KLHL14: variants seen among roughly 807,000 people sequenced by gnomAD.
The protein encoded by KLHL14 is kelch-like protein 14.
A neutral mutation model predicts 64.3 loss-of-function variants in KLHL14; 22 were observed. The observed-to-expected ratio is 0.34, with a 90% CI of 0.24 to 0.49. The LOEUF is 0.49. Among genes scored for constraint, KLHL14 ranks in the 20% least tolerant of loss-of-function variants. The probability of loss-of-function intolerance (pLI) is 0.99; values close to 1 mark genes in which losing one functional copy is unlikely to be tolerated. For synonymous variants in KLHL14, 322 were observed against 333.4 expected, an observed-to-expected ratio of 0.97 and a Z score of 0.37; for missense variants, 661 against 789.0, an observed-to-expected ratio of 0.84 and a Z score of 1.94.
rs2049815348 is a variant in KLHL14 at position 32,677,175 on chromosome 18, T to C, written c.1744A>G (p.Met582Val). 1 of 1,611,236 alleles carries C rather than the reference T, an allele frequency of 6.2e-7. No individual in the cohort carries two copies. Among genetic ancestry groups the C allele is most frequent in the African/African-American group, 1.3e-5 (1 of 74,894 alleles). The change falls in exon 8 of 9, where the codon ATG (methionine) becomes GTG (valine). Residue 582 changes from methionine (M) to valine (V), a missense_variant and splice_region_variant. This residue lies in a region of KLHL14 where 330 missense variants were observed against 450.0 expected (regional missense o/e 0.73). Transcript: ENST00000359358. ...ATGCAGTAAATGTGGACACATACCA[T>C]ACTCCAGCTGTAGCCTCCCACAAGG... The part of the protein sequence containing the change: ...IYLVGGYSWS[M>V]GAYKSSTICY...
At chr18:32,712,798 A>G (rs12969651) in intron 3 of KLHL14, among the ~76,000 whole-genome samples, 47,183 of 152,028 alleles carry the variant, frequency 0.31, 7,843 homozygotes, top group African/African-American at 0.42. Context: ...ATGTTGTTAA[A>G]TTAACCTTCA....
At chr18:32,689,881 A>G (rs2049898540) in intron 4 of KLHL14, among the ~76,000 whole-genome samples, 1 of 152,226 alleles carries the variant, frequency 6.6e-6, no homozygotes, top group African/African-American at 2.4e-5. Context: ...GTGCCTTTGA[A>G]GAAGGAGGCA....
At chr18:32,772,315 T>C in intron 1 of KLHL14, 1 of 293,620 alleles carries the variant, frequency 3.4e-6, no homozygotes, top group Non-Finnish European at 7.4e-6. Flanking sequence ...TCGCGCTCCC[T>C]CCGCCGGCAG....
chr18:32,694,069 G>A (rs2049925507), intron 4 of KLHL14, among the ~76,000 whole-genome samples: 1 of 152,190 alleles, frequency 6.6e-6, no homozygotes, highest in African/African-American at 2.4e-5. Flanking sequence ...AAGTCAGGGA[G>A]ATTCACAGTG....
chr18:32,702,028 A>C (rs961010245), intron 3 of KLHL14, among the ~76,000 whole-genome samples: 2 of 152,196 alleles, frequency 1.3e-5, no homozygotes, highest in African/African-American at 4.8e-5. Context: ...TTTGTGCTAC[A>C]GGTGTAGCAT....
intron 2 of KLHL14, among the ~76,000 whole-genome samples, chr18:32,748,741 C>T (rs993152670): frequency 1.3e-5 from 2 of 151,904 alleles, no homozygotes; most frequent in African/African-American, 2.4e-5. Context: ...CCCCCGACCT[C>T]GGTCTCCCAA....
chr18:32,755,493 C>T (rs2050277124), intron 2 of KLHL14, among the ~76,000 whole-genome samples: 1 of 152,122 alleles, frequency 6.6e-6, no homozygotes, highest in Admixed American at 6.5e-5. Flanking sequence ...TTCCCTATGA[C>T]TCATTTCCCT....
intron 2 of KLHL14, among the ~76,000 whole-genome samples, chr18:32,756,485 A>G (rs1361617897): frequency 1.3e-5 from 2 of 152,244 alleles, no homozygotes; most frequent in East Asian, 1.9e-4. Flanking sequence ...CCTTCTCTTA[A>G]TAGGTCAAAA....
At chr18:32,678,792 CT>C (rs2049823691) in intron 7 of KLHL14, among the ~76,000 whole-genome samples, 1 of 152,130 alleles carries the variant, frequency 6.6e-6, no homozygotes, top group Non-Finnish European at 1.5e-5. Flanking sequence ...TCTATATCCT[CT>C]CCTCACCATG....
Position 32,770,655 on chromosome 18 carries a change from A to G in KLHL14, c.-43-21T>C, listed in dbSNP as rs1445957560. 1.2e-5 allele frequency: 3 copies of G among 251,890 alleles called. No homozygotes were observed. The highest frequency in any genetic ancestry group is 7.2e-5 in the African/African-American group (2 of 27,716). The allele number at this position is 251,890 out of a possible 1,614,324, so 15.6% of individuals were successfully genotyped here. ...CCAACCTGGCAGACAGGGGTGGGGG[A>G]TGGGAGGGAGGGGAGCAGGGTGGTG... On this transcript the variant is annotated intron_variant, in intron 1 of 8. Coordinates refer to ENST00000359358, the MANE Select transcript of KLHL14 (RefSeq NM_020805.3). The surrounding 1 kb of genome is among the most constrained non-coding windows in gnomAD (Gnocchi z 6.7).
intron 2 of KLHL14, among the ~76,000 whole-genome samples, chr18:32,760,594 C>T (rs540192968): frequency 4.6e-5 from 7 of 152,172 alleles, no homozygotes; most frequent in African/African-American, 7.2e-5. Flanking sequence ...AGTCTCCATA[C>T]GGTGGCCCAG....
At chr18:32,738,257 C>T (rs2050176570) in intron 3 of KLHL14, 1 of 152,124 alleles carries the variant, frequency 6.6e-6, no homozygotes, top group Non-Finnish European at 1.5e-5. Context: ...ACGGTAACCC[C>T]AGCAAGTGTT....
At chr18:32,710,314 C>T (rs1177275574) in intron 3 of KLHL14, among the ~76,000 whole-genome samples, 2 of 152,142 alleles carry the variant, frequency 1.3e-5, no homozygotes, top group Admixed American at 1.3e-4. Flanking sequence ...TATGGATTTA[C>T]TACAGAACTG....
Position 32,766,738 on chromosome 18 carries a change from G to C in KLHL14, c.947+2907C>G, listed in dbSNP as rs555983983. ...TTGGTAAAATGGAATATGAATTTAA[G>C]TGCAACTGGTATACTTAGAAAAACC... On this transcript the variant is annotated intron_variant, in intron 2 of 8. Coordinates refer to ENST00000359358, the MANE Select transcript of KLHL14 (RefSeq NM_020805.3). 1.2e-4 allele frequency among the ~76,000 whole-genome samples: 19 copies of C among 152,116 alleles called. No homozygotes were observed. The South Asian group carries it at 3.7e-3, about 30-fold the overall frequency.
chr18:32,687,221 G>A lies in KLHL14; in HGVS notation c.1172C>T (p.Thr391Ile). The A allele has an allele frequency of 6.2e-6, 10 of 1,613,310 alleles. No individual in the cohort carries two copies. The highest frequency in any genetic ancestry group is 8.5e-6 in the Non-Finnish European group (10 of 1,179,306). ...AGGATCATATCGGCTGACAAAATTT[G>A]TACTGTGTTTTCCTGTAAAAATGCA... ...DQWNPNGKHS[T>I]NFVSRYDPRF... The change falls in exon 5 of 9, where the codon ACA becomes ATA. Residue 391 changes from threonine (T) to isoleucine (I), a missense_variant. Physicochemically the swap from Thr to Ile is moderately conservative, Grantham distance 89 (BLOSUM62 -1). This residue lies in a region of KLHL14 where 330 missense variants were observed against 450.0 expected (regional missense o/e 0.73). Transcript: ENST00000359358.
intron 5 of KLHL14, among the ~76,000 whole-genome samples, chr18:32,681,632 G>A (rs2049839350): frequency 6.6e-6 from 1 of 152,088 alleles, no homozygotes; most frequent in South Asian, 2.1e-4. Flanking sequence ...TTGAATAAGT[G>A]TAATTGTTAA....
At chr18:32,692,333 T>C (rs1261502172) in intron 4 of KLHL14, among the ~76,000 whole-genome samples, 37 of 152,206 alleles carry the variant, frequency 2.4e-4, no homozygotes, top group Admixed American at 2.4e-3. Context: ...TCAGATACCA[T>C]TTTCATAAGA....
rs2050301899 is a variant in KLHL14 at position 32,759,361 on chromosome 18, G to A, written c.947+10284C>T. Among the ~76,000 whole-genome samples, 2 of 152,126 alleles carry A rather than the reference G, an allele frequency of 1.3e-5. 1 individual carries two copies. Among genetic ancestry groups the A allele is most frequent in the South Asian group, 4.1e-4 (2 of 4,826 alleles). On this transcript the variant is annotated intron_variant, in intron 2 of 8. Transcript: ENST00000359358. Reference sequence around the variant, plus strand: ...AATCCAACTCTAAACATTTTGTATGGAAGTGGAAGTCCTAACAAGTGAACA... The same window carrying A: ...AATCCAACTCTAAACATTTTGTATGAAAGTGGAAGTCCTAACAAGTGAACA...
chr18:32,741,879 A>T, intron 3 of KLHL14, 49 bp downstream of exon 3: 7 of 1,498,370 alleles, frequency 4.7e-6, no homozygotes, highest in Non-Finnish European at 6.2e-6. Flanking sequence ...AGACAGCGCT[A>T]ACCTGAAATA....
Sources: allele counts gnomAD v4.1 joint callset (sites outside exome capture counted in the v4.1 genomes callset), GRCh38; gene constraint gnomAD v4.1.1; regional missense constraint gnomAD v4.1.1; non-coding constraint Gnocchi (gnomAD v3.1); transcripts MANE v1.5; gene names NCBI Gene and HGNC (gene_info 2026-07-23, HGNC 2026-07-21).